UBP1: variants seen among roughly 807,000 people sequenced by gnomAD.
UBP1 encodes upstream-binding protein 1.
In UBP1, 22 loss-of-function variants were observed where a neutral mutation model predicts 76.1. The observed-to-expected ratio is 0.29, with a 90% CI of 0.21 to 0.41. UBP1 has a LOEUF of 0.41. Ranked by LOEUF, UBP1 falls within the 10% of genes least tolerant of loss-of-function variation. The pLI is 1.00. For missense variants in UBP1, 436 were observed against 668.1 expected (o/e 0.65, Z 3.83); for synonymous variants, 224 against 237.1 (o/e 0.94, Z 0.51).
At chr3:33,423,896 T>C (rs1042990867) in intron 2 of UBP1, among the ~76,000 whole-genome samples, 18 of 152,360 alleles carry the variant, frequency 1.2e-4, no homozygotes, top group African/African-American at 3.8e-4. Context: ...CTTTTATCGA[T>C]ATGAAATATC....
rs184593081 is a variant in UBP1, at chr3:33,436,031, T to A, written c.113+3705A>T. Among the ~76,000 whole-genome samples the A allele has an allele frequency of 9.6e-4, 147 of 152,356 alleles. 2 individuals are homozygous for A. The highest frequency in any genetic ancestry group is 8.4e-3 in the Admixed American group (128 of 15,298). The stretch of plus-strand genomic sequence containing the variant: ...AAGAAAATCATCAATTATTAATAGC[T>A]ACATAATAAACCCTACCCTTGCTAA... On this transcript the variant is annotated intron_variant, in intron 1 of 15. Coordinates refer to ENST00000283629, the MANE Select transcript of UBP1 (RefSeq NM_014517.5).
At chr3:33,401,882 G>A (rs1047320654) in intron 9 of UBP1, among the ~76,000 whole-genome samples, 1 of 152,126 alleles carries the variant, frequency 6.6e-6, no homozygotes. Flanking sequence ...TAAGCCCTCA[G>A]ACATGGTAAC....
chr3:33,422,571 A>T (rs540324715), intron 2 of UBP1, among the ~76,000 whole-genome samples: 27 of 151,984 alleles, frequency 1.8e-4, no homozygotes, highest in South Asian at 4.2e-4. Context: ...AATTTTTTTT[A>T]AAAATTTGCC....
chr3:33,409,714 A>G (rs2044520831), intron 5 of UBP1, 113 bp from the exon 6 acceptor site: 4 of 1,376,778 alleles, frequency 2.9e-6, no homozygotes, highest in Non-Finnish European at 4.0e-6. Flanking sequence ...CCTTTAAAAT[A>G]AACTCATCAC....
chr3:33,424,821 G>A (rs192286508), intron 2 of UBP1, among the ~76,000 whole-genome samples: 130 of 152,202 alleles, frequency 8.5e-4, no homozygotes, highest in African/African-American at 2.6e-3. Context: ...CGAGGCAGGC[G>A]GATCACTTAA....
intron 15 of UBP1, 182 bp downstream of exon 15, chr3:33,392,381 G>T: frequency 1.9e-6 from 1 of 535,190 alleles, no homozygotes; most frequent in Non-Finnish European, 3.2e-6. Context: ...TAGAAAGACT[G>T]ACTCCTCTTC....
chr3:33,408,926 T>C (rs2044501336), intron 7 of UBP1, 129 bp from the exon 8 acceptor site: 1 of 967,540 alleles, frequency 1.0e-6, no homozygotes, highest in African/African-American at 1.7e-5. Flanking sequence ...TTAAAAAAAA[T>C]GCAAAACCCC....
chr3:33,398,493 C>G (rs1306135188), intron 11 of UBP1: 1 of 152,246 alleles, frequency 6.6e-6, no homozygotes, highest in Non-Finnish European at 1.5e-5. Flanking sequence ...GAGAACTGGA[C>G]AGATAACTGC....
At chr3:33,395,300 T>A (rs1032106317) in intron 13 of UBP1, among the ~76,000 whole-genome samples, 2 of 152,050 alleles carry the variant, frequency 1.3e-5, no homozygotes, top group African/African-American at 4.8e-5. Context: ...TTAGGGCAAA[T>A]AACTGCATCT....
At position 33,440,021 on chromosome 3, in the gene UBP1, G is replaced by C. The variant is rs1168067254; in HGVS notation, c.-173C>G. 1 of 580,814 alleles carries C rather than the reference G, an allele frequency of 1.7e-6. No homozygotes were observed. The highest frequency in any genetic ancestry group is 2.8e-6 in the Non-Finnish European group (1 of 354,446). The allele number at this position is 580,814 out of a possible 1,614,324, so 36.0% of individuals were successfully genotyped here. Reference sequence around the variant, plus strand: ...TGCGGGGGCCCCACTGGCAGGGCACGACGAGCCCAGCGAGCAATTGCAGCG... The same window carrying C: ...TGCGGGGGCCCCACTGGCAGGGCACCACGAGCCCAGCGAGCAATTGCAGCG... On this transcript the variant is annotated 5_prime_UTR_variant, in exon 1 of 16. Coordinates refer to ENST00000283629, the MANE Select transcript of UBP1 (RefSeq NM_014517.5).
intron 1 of UBP1, among the ~76,000 whole-genome samples, chr3:33,432,349 T>C (rs994320407): frequency 6.6e-6 from 1 of 152,160 alleles, no homozygotes; most frequent in African/African-American, 2.4e-5. Flanking sequence ...TTTGGCAAAG[T>C]TTTTTAATTT....
intron 4 of UBP1, 57 bp downstream of exon 4, chr3:33,412,665 A>T: frequency 8.9e-7 from 1 of 1,126,544 alleles, no homozygotes; most frequent in Non-Finnish European, 1.4e-6. Flanking sequence ...ACAACACATT[A>T]CTGGCTATAG....
chr3:33,411,732 A>G, intron 4 of UBP1, 45 bp from the exon 5 acceptor site: 1 of 1,457,176 alleles, frequency 6.9e-7, no homozygotes, highest in South Asian at 1.1e-5. Flanking sequence ...ACTTTAAATA[A>G]CTTAAAAAAC....
chr3:33,435,793 A>G (rs1229585657), intron 1 of UBP1, among the ~76,000 whole-genome samples: 1 of 152,248 alleles, frequency 6.6e-6, no homozygotes, highest in African/African-American at 2.4e-5. Flanking sequence ...CCACTGCCCA[A>G]CATCACAAGA....
intron 2 of UBP1, among the ~76,000 whole-genome samples, chr3:33,419,149 G>C (rs2044815810): frequency 6.6e-6 from 1 of 152,116 alleles, no homozygotes; most frequent in Admixed American, 6.5e-5. Context: ...AATTGAAGAA[G>C]AGTCACCATT....
At chr3:33,392,667 T>C (rs2043814840) in intron 14 of UBP1, 53 bp from the exon 15 acceptor site, 1 of 1,496,582 alleles carries the variant, frequency 6.7e-7, no homozygotes, top group Non-Finnish European at 9.1e-7. Flanking sequence ...CTGTCGTTTC[T>C]TAAAATGATT....
chr3:33,424,019 T>C (rs1464584303), intron 2 of UBP1, among the ~76,000 whole-genome samples: 2 of 152,248 alleles, frequency 1.3e-5, no homozygotes, highest in African/African-American at 2.4e-5. Context: ...ATTCATTCCA[T>C]GGTATGTATG....
intron 10 of UBP1, 89 bp from the exon 11 acceptor site, chr3:33,400,371 T>TA (rs1007484196): frequency 1.3e-5 from 13 of 994,472 alleles, no homozygotes; most frequent in Non-Finnish European, 1.9e-5. Flanking sequence ...GAGTCTGAAG[T>TA]AAAAAACACC....
intron 2 of UBP1, among the ~76,000 whole-genome samples, chr3:33,423,743 G>C (rs1052093386): frequency 2.6e-5 from 4 of 152,316 alleles, no homozygotes; most frequent in Admixed American, 6.5e-5. Context: ...ACTGCTCTAA[G>C]TTTAATCTAT....
Sources: allele counts gnomAD v4.1 joint callset (sites outside exome capture counted in the v4.1 genomes callset), GRCh38; gene constraint gnomAD v4.1.1; transcripts MANE v1.5; gene names NCBI Gene and HGNC (gene_info 2026-07-23, HGNC 2026-07-21).